Variants in PIGT observed in about 807,000 individuals in gnomAD.
PIGT encodes phosphatidylinositol glycan anchor biosynthesis class T.
Under a neutral mutation model 66.7 loss-of-function variants are expected in PIGT, and 57 were observed. That is an observed-to-expected ratio of 0.86 (90% CI 0.69 to 1.07). The LOEUF (loss-of-function observed/expected upper bound fraction) is 1.07. PIGT is among the 50% of genes least tolerant of loss of function. The pLI is 0.00. For missense variants in PIGT, 725 were observed against 740.4 expected (o/e 0.98, Z 0.24); for synonymous variants, 362 against 320.5 (o/e 1.13, Z -1.38).
chr20:45,420,077 T>G (rs1990254133), intron 5 of PIGT, 59 bp from the exon 6 acceptor site: 4 of 1,225,080 alleles, frequency 3.3e-6, no homozygotes, highest in Non-Finnish European at 1.2e-6. Context: ...GGAGTCTTTT[T>G]GGGGGCTGTG....
At chr20:45,423,986 A>G in intron 9 of PIGT, 3 of 556,568 alleles carry the variant, frequency 5.4e-6, no homozygotes, top group Non-Finnish European at 9.7e-6. Flanking sequence ...TTGATTAGCC[A>G]TCTGCAGCAC....
At chr20:45,418,789 G>A in intron 2 of PIGT, 63 bp from the exon 3 acceptor site, 1 of 1,599,300 alleles carries the variant, frequency 6.3e-7, no homozygotes, top group Non-Finnish European at 8.6e-7. Context: ...AGCCAGCTGT[G>A]GACTTTGAAA....
Position 45,420,569 on chromosome 20 carries a change from A to G in PIGT, c.909A>G (p.Thr303=), listed in dbSNP as rs1422254532. 8.1e-6 allele frequency: 13 copies of G among 1,613,562 alleles called. No homozygotes were observed. The South Asian group carries it at 1.1e-4, about 14-fold the overall frequency. Residue 303 remains threonine, a synonymous_variant, in exon 8 of 12, where the codon ACA becomes ACG. Coordinates refer to ENST00000279036, the MANE Select transcript of PIGT (RefSeq NM_015937.6). ...AGGTGCACCCACCCCCGACCACTAC[A>G]TATCAGGACGTCATCCTAGGCACTC... The part of the protein sequence containing the change: ...TLEVHPPPTT[T]YQDVILGTRK...
Position 45,420,552 on chromosome 20 carries a change from C to T in PIGT, c.892C>T (p.Pro298Ser). ...NQDNETLEVH[P>S]PPTTTYQDVI... ...GGACAACGAGACATTAGAGGTGCACCCACCCCCGACCACTACATATCAGGA... is the reference window on the plus strand; with the variant it reads ...GGACAACGAGACATTAGAGGTGCACTCACCCCCGACCACTACATATCAGGA... Residue 298 changes from proline to serine, a missense_variant, in exon 8 of 12, where the codon CCA becomes TCA. Transcript: ENST00000279036. 6.2e-7 allele frequency: 1 copy of T among 1,613,770 alleles called. No individual in the cohort carries two copies. The highest frequency in any genetic ancestry group is 8.5e-7 in the Non-Finnish European group (1 of 1,179,978).
chr20:45,424,447 G>C, intron 10 of PIGT, 49 bp from the exon 11 acceptor site: 1 of 1,613,474 alleles, frequency 6.2e-7, no homozygotes, highest in Non-Finnish European at 8.5e-7. Flanking sequence ...CTTACCCCTT[G>C]ATAGGGCAGC....
chr20:45,419,508 G>A lies in PIGT; in HGVS notation c.599G>A (p.Gly200Asp), dbSNP rs1305654403. 3.1e-6 allele frequency: 5 copies of A among 1,614,070 alleles called. No individual in the cohort carries two copies. Among genetic ancestry groups the A allele is most frequent in the Non-Finnish European group, 4.2e-6 (5 of 1,180,014 alleles). ...ATCTCTTTCCATCTCCTCCAGGCAG[G>A]CCTCTCTGTGCTGCTGAAGGCAGAT... Reference protein sequence around the residue: ...KKLLPCSSKAGLSVLLKADRL... With the variant: ...KKLLPCSSKADLSVLLKADRL... The change falls in exon 5 of 12, where the codon GGC becomes GAC. Residue 200 changes from glycine to aspartate, a missense_variant. Around this residue, in one of 3 missense-constraint regions of PIGT, gnomAD observed 559 missense variants for 552.7 expected, o/e 1.01. Coordinates refer to ENST00000279036, the MANE Select transcript of PIGT (RefSeq NM_015937.6).
intron 4 of PIGT, 38 bp downstream of exon 4, chr20:45,419,433 G>T (rs1240575842): frequency 6.5e-7 from 1 of 1,545,346 alleles, no homozygotes. Context: ...GGCGGGGGGT[G>T]TATAGAGAAC....
intron 5 of PIGT, chr20:45,419,929 G>C: frequency 1.7e-6 from 1 of 605,982 alleles, no homozygotes; most frequent in Non-Finnish European, 2.9e-6. Context: ...TCCACTCCTA[G>C]GGTTGTTGTG....
intron 2 of PIGT, chr20:45,418,294 T>G (rs1990117351): frequency 5.4e-6 from 1 of 183,528 alleles, no homozygotes; most frequent in Non-Finnish European, 1.2e-5. Flanking sequence ...GTGAGCTCAT[T>G]TCAGCTCTGA....
At chr20:45,418,703 G>A (rs1990143174) in intron 2 of PIGT, 149 bp from the exon 3 acceptor site, 1 of 930,762 alleles carries the variant, frequency 1.1e-6, no homozygotes, top group Non-Finnish European at 1.7e-6. Context: ...GCTGGCTGGG[G>A]GCAGCAATGT....
Position 45,420,615 on chromosome 20 carries a change from G to A in PIGT, c.955G>A (p.Asp319Asn), listed in dbSNP as rs547063035. The change falls in exon 8 of 12, where the codon GAC becomes AAC. Residue 319 changes from aspartate (D) to asparagine (N), a missense_variant. Physicochemically the swap from Asp to Asn is conservative, Grantham distance 23. Coordinates refer to ENST00000279036, the MANE Select transcript of PIGT (RefSeq NM_015937.6). Reference sequence around the variant, plus strand: ...CACTCGGAAGACCTATGCCATCTATGACTTGCTTGACACCGCCATGATCAA... The same window carrying A: ...CACTCGGAAGACCTATGCCATCTATAACTTGCTTGACACCGCCATGATCAA... Reference protein sequence around the residue: ...LGTRKTYAIYDLLDTAMINNS... With the variant: ...LGTRKTYAIYNLLDTAMINNS... 5 of 1,613,764 alleles carry A rather than the reference G, an allele frequency of 3.1e-6. No homozygotes were observed. The highest frequency in any genetic ancestry group is 4.2e-6 in the Non-Finnish European group (5 of 1,179,982).
chr20:45,420,998 G>A, intron 8 of PIGT: 1 of 526,470 alleles, frequency 1.9e-6, no homozygotes, highest in Non-Finnish European at 3.4e-6. Flanking sequence ...TAAGTGCCAG[G>A]CATAGAGTGT....
At position 45,420,596 on chromosome 20, in the gene PIGT, G is replaced by T. The variant is rs1294039159; in HGVS notation, c.936G>T (p.Arg312=). ...ATCAGGACGTCATCCTAGGCACTCG[G>T]AAGACCTATGCCATCTATGACTTGC... ...TTYQDVILGT[R]KTYAIYDLLD... Residue 312 remains arginine (R), a synonymous_variant, in exon 8 of 12, where the codon CGG becomes CGT. Coordinates refer to ENST00000279036, the MANE Select transcript of PIGT (RefSeq NM_015937.6). The T allele has an allele frequency of 3.1e-6, 5 of 1,613,786 alleles. No homozygotes were observed. The highest frequency in any genetic ancestry group is 4.2e-6 in the Non-Finnish European group (5 of 1,179,958).
chr20:45,424,880 G>A (rs538185179), intron 11 of PIGT: 22 of 415,350 alleles, frequency 5.3e-5, no homozygotes, highest in African/African-American at 3.8e-4. Context: ...AGCACTGAGT[G>A]TGCAAGATTA....
chr20:45,419,693 G>A, intron 5 of PIGT, 103 bp downstream of exon 5: 2 of 833,444 alleles, frequency 2.4e-6, no homozygotes, highest in Non-Finnish European at 4.2e-6. Context: ...GTACTGAGTG[G>A]TAGATGTGAT....
At position 45,424,294 on chromosome 20, in the gene PIGT, C is replaced by G; in HGVS notation, c.1313C>G (p.Ser438Ter). The stretch of plus-strand genomic sequence containing the variant: ...ATGCTGATTCAGCTGCCGGCCAACT[C>G]AGTCACCAAGGTTTCCATCCAGTTT... Reference protein sequence around the residue: ...LEMLIQLPANSVTKVSIQFER... With the variant: ...LEMLIQLPAN The change falls in exon 10 of 12, where the codon TCA becomes TGA. Residue 438 changes from serine to a stop codon, truncating the protein, a stop_gained. Transcript: ENST00000279036. LOFTEE classifies it high-confidence loss of function. The G allele has an allele frequency of 6.2e-7, 1 of 1,614,220 alleles. No individual in the cohort carries two copies.
chr20:45,422,949 G>A (rs976956447), intron 9 of PIGT: 3 of 151,202 alleles, frequency 2.0e-5, no homozygotes, highest in Middle Eastern at 3.4e-3. Flanking sequence ...GTGCACACCT[G>A]TAATCTCAGC....
At chr20:45,421,700 C>A in intron 9 of PIGT, 117 bp downstream of exon 9, 1 of 788,668 alleles carries the variant, frequency 1.3e-6, no homozygotes, top group Non-Finnish European at 2.1e-6. Flanking sequence ...GCTACACAGG[C>A]ATAAAGAGTA....
rs771691280 is a variant in PIGT at position 45,416,515 on chromosome 20, A to G, written c.188-2A>G. On this transcript the variant is annotated splice_acceptor_variant, in intron 1 of 11. Coordinates refer to ENST00000279036, the MANE Select transcript of PIGT (RefSeq NM_015937.6). LOFTEE classifies it high-confidence loss of function. ...GTCACTCACCTGCTCCCGTTTCCCCAGTGTCCCATTACAGGCTCTTTCCCA... is the reference window on the plus strand; with the variant it reads ...GTCACTCACCTGCTCCCGTTTCCCCGGTGTCCCATTACAGGCTCTTTCCCA... 8 of 1,613,454 alleles carry G rather than the reference A, an allele frequency of 5.0e-6. No individual in the cohort carries two copies. Among genetic ancestry groups the G allele is most frequent in the Non-Finnish European group, 6.8e-6 (8 of 1,179,700 alleles).
Sources: allele counts gnomAD v4.1 joint callset, GRCh38; gene constraint gnomAD v4.1.1; regional missense constraint gnomAD v4.1.1; transcripts MANE v1.5; gene names NCBI Gene and HGNC (gene_info 2026-07-23, HGNC 2026-07-21).